Variants in LARGE1 observed in about 807,000 individuals in gnomAD.
LARGE1 encodes the protein xylosyl- and glucuronyltransferase LARGE1.
LARGE1 carries 43 observed loss-of-function variants against 87.6 expected under a neutral mutation model. The ratio of observed to expected loss-of-function variants is 0.49; its 90% CI spans 0.38 to 0.63. The LOEUF (loss-of-function observed/expected upper bound fraction) is 0.63, where lower values mean the gene tolerates loss of function less well. LARGE1 is among the 30% of genes least tolerant of loss of function. The pLI, the probability that LARGE1 is intolerant of heterozygous loss-of-function variation, is 0.00. For synonymous variants in LARGE1, 434 were observed against 394.6 expected, an observed-to-expected ratio of 1.10 and a Z score of -1.18; for missense variants, 802 against 1,000.2, an observed-to-expected ratio of 0.80 and a Z score of 2.67.
rs59387471 is a variant in LARGE1 at position 33,830,408 on chromosome 22, G to T, written c.-82-68850C>A. Among the ~76,000 whole-genome samples the T allele has an allele frequency of 5.7e-3, 863 of 152,180 alleles. 5 individuals are homozygous for T. The highest frequency in any genetic ancestry group is 8.9e-3 in the Non-Finnish European group (604 of 68,004). On this transcript the variant is annotated intron_variant, in intron 1 of 14. Transcript: ENST00000397394. Reference sequence around the variant, plus strand: ...AGCTCACAGGTGAAGGAATTGTCAGGGACACATTTCCTCCACGAGAGGCAG... The same window carrying T: ...AGCTCACAGGTGAAGGAATTGTCAGTGACACATTTCCTCCACGAGAGGCAG...
At chr22:33,130,926 G>C in the LARGE1 span, among the ~76,000 whole-genome samples, 1 of 150,936 alleles carries the variant, frequency 6.6e-6, no homozygotes, top group Admixed American at 6.6e-5. Flanking sequence ...CCAGCTACTC[G>C]GAGAGGCTGA....
At chr22:33,511,928 C>T in intron 6 of LARGE1, among the ~76,000 whole-genome samples, 1 of 152,170 alleles carries the variant, frequency 6.6e-6, no homozygotes, top group Admixed American at 6.5e-5. Context: ...ATCTTCTTGT[C>T]TCATCTCTTT....
chr22:33,476,258 G>T (rs1297149629), intron 6 of LARGE1, among the ~76,000 whole-genome samples: 1 of 152,212 alleles, frequency 6.6e-6, no homozygotes, highest in Non-Finnish European at 1.5e-5. Flanking sequence ...CCCTATTTAT[G>T]TAAAAATGCA....
chr22:33,383,886 C>T (rs925364483), intron 8 of LARGE1, among the ~76,000 whole-genome samples: 2 of 152,192 alleles, frequency 1.3e-5, no homozygotes, highest in African/African-American at 4.8e-5. Context: ...CGTCAGTAGA[C>T]GCTAAGCTCT....
chr22:33,264,076 T>C (rs895799389), intron 11 of LARGE1, among the ~76,000 whole-genome samples: 1 of 152,248 alleles, frequency 6.6e-6, no homozygotes, highest in Non-Finnish European at 1.5e-5. Context: ...TAGCAAGGAC[T>C]GCCCAAGTGC....
intron 1 of LARGE1, among the ~76,000 whole-genome samples, chr22:33,836,003 T>C (rs1020938796): frequency 6.6e-6 from 1 of 152,202 alleles, no homozygotes; most frequent in African/African-American, 2.4e-5. Context: ...AGCTCCAGAT[T>C]TTGCATTCAA....
chr22:33,509,578 G>A (rs1487906184), intron 6 of LARGE1, among the ~76,000 whole-genome samples: 2 of 151,626 alleles, frequency 1.3e-5, no homozygotes, highest in African/African-American at 4.9e-5. Context: ...AGCCTCCCAA[G>A]TAGCCCAGAC....
chr22:33,364,212 G>A (rs977927656), intron 9 of LARGE1, among the ~76,000 whole-genome samples: 5 of 151,982 alleles, frequency 3.3e-5, no homozygotes, highest in East Asian at 1.9e-4. Context: ...CCGCCACCAC[G>A]CCCGGCTAAT....
intron 7 of LARGE1, among the ~76,000 whole-genome samples, chr22:33,407,775 T>C (rs1328381166): frequency 1.3e-5 from 2 of 152,168 alleles, no homozygotes; most frequent in Non-Finnish European, 2.9e-5. Flanking sequence ...CCAATAAGTA[T>C]GTATCTTTGG....
intron 1 of LARGE1, among the ~76,000 whole-genome samples, chr22:33,842,687 T>C (rs56331664): frequency 0.015 from 2,320 of 152,348 alleles, 27 homozygotes; most frequent in Non-Finnish European, 0.022. Flanking sequence ...AGTCATGATG[T>C]ATATTTTCTA....
intron 6 of LARGE1, among the ~76,000 whole-genome samples, chr22:33,505,666 T>C (rs1191621576): frequency 2.6e-5 from 4 of 152,164 alleles, no homozygotes; most frequent in Non-Finnish European, 5.9e-5. Context: ...CAAGCTGTCA[T>C]GAGAGGTAGC....
At chr22:33,532,393 C>T (rs990114315) in intron 6 of LARGE1, among the ~76,000 whole-genome samples, 4 of 152,218 alleles carry the variant, frequency 2.6e-5, no homozygotes, top group African/African-American at 9.7e-5. Flanking sequence ...GTACCTGCAG[C>T]AGGGAAATCT....
At chr22:33,726,472 T>C (rs993788516) in intron 2 of LARGE1, among the ~76,000 whole-genome samples, 2 of 152,182 alleles carry the variant, frequency 1.3e-5, no homozygotes, top group Non-Finnish European at 2.9e-5. Flanking sequence ...ATTAGCATTA[T>C]ATAAATACTC....
At chr22:33,770,821 G>T (rs2085046473) in intron 1 of LARGE1, among the ~76,000 whole-genome samples, 1 of 152,094 alleles carries the variant, frequency 6.6e-6, no homozygotes, top group East Asian at 1.9e-4. Context: ...CCAAGAAACT[G>T]CCCATAATCC....
At chr22:33,497,063 TTTC>T (rs200130432) in intron 6 of LARGE1, among the ~76,000 whole-genome samples, 348 of 141,668 alleles carry the variant, frequency 2.5e-3, no homozygotes, top group African/African-American at 9.1e-3. Context: ...GCTATTTTCT[TTTC>T]TTTTCTTTTT....
the LARGE1 span, among the ~76,000 whole-genome samples, chr22:33,069,427 T>C: frequency 9.9e-5 from 15 of 152,214 alleles, no homozygotes; most frequent in Middle Eastern, 3.4e-3. Flanking sequence ...TTGGCCATCG[T>C]TGGAGATAAC....
At chr22:33,201,409 AAAG>A (rs1924382488) in intron 11 of LARGE1, among the ~76,000 whole-genome samples, 1 of 142,326 alleles carries the variant, frequency 7.0e-6, no homozygotes, top group Non-Finnish European at 1.6e-5. Flanking sequence ...GAAGGAAGAA[AAAG>A]AAGGAAGGAA....
intron 2 of LARGE1, among the ~76,000 whole-genome samples, chr22:33,691,892 G>A (rs1264929795): frequency 6.6e-6 from 1 of 152,008 alleles, no homozygotes; most frequent in Non-Finnish European, 1.5e-5. Context: ...CTCTACCCCC[G>A]TATTTCTTTT....
intron 6 of LARGE1, among the ~76,000 whole-genome samples, chr22:33,457,293 C>CT (rs759460321): frequency 0.045 from 3,339 of 74,674 alleles, 608 homozygotes; most frequent in African/African-American, 0.062. Context: ...ACGCCTGGCT[C>CT]TTTTTTTTTT....
Sources: allele counts gnomAD v4.1 joint callset (sites outside exome capture counted in the v4.1 genomes callset), GRCh38; gene constraint gnomAD v4.1.1; transcripts MANE v1.5; gene names NCBI Gene and HGNC (gene_info 2026-07-23, HGNC 2026-07-21).